Variants in PLPPR5 observed in about 807,000 individuals in gnomAD.
The protein encoded by PLPPR5 is phospholipid phosphatase related 5.
In PLPPR5, 16 loss-of-function variants were observed where a neutral mutation model predicts 33.9. The observed-to-expected ratio is 0.47, with a 90% CI of 0.32 to 0.72. The LOEUF is 0.72. PLPPR5 is among the 30% of genes least tolerant of loss of function. The probability of loss-of-function intolerance (pLI) is 0.03; values close to 1 mark genes in which losing one functional copy is unlikely to be tolerated. For missense variants in PLPPR5, 301 were observed against 406.7 expected (o/e 0.74, Z 2.23); for synonymous variants, 163 against 150.3 (o/e 1.08, Z -0.62).
At chr1:99,000,667 T>C (rs1248178825) in intron 1 of PLPPR5, among the ~76,000 whole-genome samples, 1 of 152,230 alleles carries the variant, frequency 6.6e-6, no homozygotes, top group African/African-American at 2.4e-5. Context: ...CCTTTCCTCA[T>C]GTCTCCAAAC....
At chr1:98,923,068 G>A (rs759570029) in intron 3 of PLPPR5, among the ~76,000 whole-genome samples, 1 of 152,074 alleles carries the variant, frequency 6.6e-6, no homozygotes, top group African/African-American at 2.4e-5. Flanking sequence ...CAGTGAATAG[G>A]TACCTACATT....
intron 3 of PLPPR5, 56 bp downstream of exon 3, chr1:98,953,014 T>C (rs1245326041): frequency 2.5e-6 from 4 of 1,583,146 alleles, no homozygotes; most frequent in African/African-American, 2.7e-5. Context: ...AATTTCTACA[T>C]TGGAAAAATT....
intron 3 of PLPPR5, among the ~76,000 whole-genome samples, chr1:98,942,986 G>T (rs1453021123): frequency 6.6e-6 from 1 of 152,186 alleles, no homozygotes; most frequent in African/African-American, 2.4e-5. Flanking sequence ...CAGGTGCTGG[G>T]CTTAACCACC....
chr1:98,953,364 T>TGG, intron 2 of PLPPR5, 44 bp from the exon 3 acceptor site: 1 of 1,135,756 alleles, frequency 8.8e-7, no homozygotes, highest in Non-Finnish European at 1.2e-6. Flanking sequence ...CTTGTGTGTG[T>TGG]GTGTGTGTGT....
intron 1 of PLPPR5, among the ~76,000 whole-genome samples, chr1:98,991,746 G>T (rs1652457966): frequency 6.6e-6 from 1 of 152,178 alleles, no homozygotes; most frequent in Non-Finnish European, 1.5e-5. Context: ...CATCCCAATA[G>T]TCAGACTTGA....
At chr1:99,005,300 C>T (rs1254452099), upstream of PLPPR5, among the ~76,000 whole-genome samples, 2 of 152,140 alleles carry the variant, frequency 1.3e-5, no homozygotes, top group South Asian at 2.1e-4. Context: ...CAAAGCCCAC[C>T]AAGGCGCAAA....
Position 98,985,717 on chromosome 1 carries a change from G to A in PLPPR5, c.237+18718C>T, listed in dbSNP as rs115360313. 3.8e-3 allele frequency among the ~76,000 whole-genome samples: 576 copies of A among 151,970 alleles called. 5 individuals carry two copies. Among genetic ancestry groups the A allele is most frequent in the African/African-American group, 0.013 (554 of 41,472 alleles). On this transcript the variant is annotated intron_variant, in intron 1 of 5. Coordinates refer to ENST00000263177, the MANE Select transcript of PLPPR5 (RefSeq NM_001037317.2). ...TGTTTATATACACAAATACCACTGC[G>A]TTACAACTGTCACAGTTTTGAGTAT...
intron 3 of PLPPR5, among the ~76,000 whole-genome samples, chr1:98,935,763 T>C (rs926548763): frequency 7.9e-5 from 12 of 152,188 alleles, no homozygotes; most frequent in Non-Finnish European, 1.6e-4. Flanking sequence ...GGCAGGTGCA[T>C]GTTGATTACT....
At chr1:98,902,729 A>C (rs1648743365) in intron 5 of PLPPR5, among the ~76,000 whole-genome samples, 1 of 152,132 alleles carries the variant, frequency 6.6e-6, no homozygotes. Context: ...ATGTGTAACT[A>C]ATTATGTGTG....
chr1:98,915,513 A>ATAC (rs369925899), intron 4 of PLPPR5, among the ~76,000 whole-genome samples: 1,709 of 152,222 alleles, frequency 0.011, 41 homozygotes, highest in African/African-American at 0.039. Context: ...TACATATGTA[A>ATAC]CCTGCACGTT....
intron 5 of PLPPR5, among the ~76,000 whole-genome samples, chr1:98,909,952 T>C (rs1377927023): frequency 1.3e-5 from 2 of 152,148 alleles, no homozygotes; most frequent in Admixed American, 1.3e-4. Flanking sequence ...AATCAGGACT[T>C]TTCCTCATAA....
chr1:98,973,712 C>T (rs1651742211), intron 1 of PLPPR5, among the ~76,000 whole-genome samples: 1 of 151,804 alleles, frequency 6.6e-6, no homozygotes, highest in Non-Finnish European at 1.5e-5. Context: ...AATGGAGTCT[C>T]AGAGGAGGGG....
intron 1 of PLPPR5, chr1:98,990,857 T>C (rs1652426910): frequency 6.6e-6 from 1 of 152,110 alleles, no homozygotes. Context: ...CTAAACTAAT[T>C]TTAATTTCTA....
At chr1:98,916,361 C>T (rs1649351988) in intron 4 of PLPPR5, among the ~76,000 whole-genome samples, 1 of 152,142 alleles carries the variant, frequency 6.6e-6, no homozygotes, top group Admixed American at 6.5e-5. Flanking sequence ...AAGTAAGGGA[C>T]AGTAAGGGCT....
At chr1:98,959,123 T>C (rs1651132222) in intron 1 of PLPPR5, among the ~76,000 whole-genome samples, 1 of 152,224 alleles carries the variant, frequency 6.6e-6, no homozygotes, top group Non-Finnish European at 1.5e-5. Flanking sequence ...AAAAACCAAC[T>C]TCTGGCTTGT....
intron 3 of PLPPR5, among the ~76,000 whole-genome samples, chr1:98,940,901 C>A (rs1415510844): frequency 6.6e-6 from 1 of 151,700 alleles, no homozygotes; most frequent in Non-Finnish European, 1.5e-5. Context: ...GTAGGAATGT[C>A]AATAATCAAA....
At chr1:98,922,258 ACCTCGTAT>A (rs1649584190) in intron 3 of PLPPR5, among the ~76,000 whole-genome samples, 200 bp from the exon 4 acceptor site, 1 of 152,222 alleles carries the variant, frequency 6.6e-6, no homozygotes, top group African/African-American at 2.4e-5. Context: ...TGTTTTACTT[ACCTCGTAT>A]GGCAATCTCT....
In PLPPR5 at chr1:98,967,851, G is replaced by A. The variant is rs767052965; in HGVS notation, c.238-11110C>T. On this transcript the variant is annotated intron_variant, in intron 1 of 5. Transcript: ENST00000263177. Reference sequence around the variant, plus strand: ...TCTAAGTCGTATCTGCGATGGATTAGTGTTTTTGGTAAGGGAGTAAAGGAG... The same window carrying A: ...TCTAAGTCGTATCTGCGATGGATTAATGTTTTTGGTAAGGGAGTAAAGGAG... Among the ~76,000 whole-genome samples, 8 of 152,094 alleles carry A rather than the reference G, an allele frequency of 5.3e-5. 1 individual carries two copies. Among genetic ancestry groups the A allele is most frequent in the Non-Finnish European group, 7.4e-5 (5 of 68,024 alleles).
At chr1:98,909,231 T>TTCCGTTTCCC (rs1649025309) in intron 5 of PLPPR5, among the ~76,000 whole-genome samples, 1 of 67,326 alleles carries the variant, frequency 1.5e-5, no homozygotes, top group Non-Finnish European at 2.8e-5. Context: ...CTCCCTTCCC[T>TTCCGTTTCCC]TCCCTTTCCC....
Sources: gnomAD v4.1 joint callset for allele counts (sites outside exome capture counted in the v4.1 genomes callset) on GRCh38, gnomAD v4.1.1 for gene constraint, MANE v1.5 for transcripts, NCBI Gene and HGNC (gene_info 2026-07-23, HGNC 2026-07-21) for gene names.